The following NUP160 variants were observed in gnomAD, a reference collection of about 807,000 sequenced individuals.
NUP160 encodes nucleoporin 160, also known as nuclear pore complex protein Nup160.
Under a neutral mutation model 196.9 loss-of-function variants are expected in NUP160, and 94 were observed. The ratio of observed to expected loss-of-function variants is 0.48; its 90% CI spans 0.40 to 0.57. The LOEUF is 0.57. Among genes scored for constraint, NUP160 ranks in the 20% least tolerant of loss-of-function variants. NUP160 has a pLI of 0.00. For missense variants in NUP160, 1,638 were observed against 1,748.3 expected, an observed-to-expected ratio of 0.94 and a Z score of 1.13; for synonymous variants, 605 against 619.7, an observed-to-expected ratio of 0.98 and a Z score of 0.35.
intron 6 of NUP160, 60 bp from the exon 7 acceptor site, chr11:47,835,869 C>A: frequency 7.6e-7 from 1 of 1,319,302 alleles, no homozygotes; most frequent in Non-Finnish European, 1.0e-6. Context: ...GAAGAACATA[C>A]CTTTTGAAAG....
In NUP160 at chr11:47,813,306, T is replaced by C; in HGVS notation, c.1786+10A>G. The C allele has an allele frequency of 2.0e-6, 3 of 1,536,690 alleles. No individual in the cohort carries two copies. Among genetic ancestry groups the C allele is most frequent in the Non-Finnish European group, 2.7e-6 (3 of 1,109,850 alleles). The stretch of plus-strand genomic sequence containing the variant: ...AGGGGATTAAATATGGACATAACAA[T>C]TACTATTACCATCAGATATGGTTGT... On this transcript the variant is annotated intron_variant, in intron 14 of 35. Coordinates refer to ENST00000378460, the Ensembl canonical transcript of NUP160.
intron 22 of NUP160, 30 bp from the exon 23 acceptor site, chr11:47,801,960 A>G (rs1366917843): frequency 6.2e-7 from 1 of 1,610,044 alleles, no homozygotes; most frequent in Non-Finnish European, 8.5e-7. Flanking sequence ...AATGACTTGT[A>G]ACAGATCATT....
intron 2 of NUP160, chr11:47,841,374 T>C: frequency 2.3e-6 from 1 of 439,508 alleles, no homozygotes. Context: ...CATTTTCTTA[T>C]GCAAACTGTG....
chr11:47,783,158 T>A, exon 34 of NUP160: 2 of 1,613,926 alleles, frequency 1.2e-6, no homozygotes, highest in Non-Finnish European at 1.7e-6. Context: ...TAAAAGGTCA[T>A]AGTTTAAGTA....
chr11:47,805,135 CTTT>C (rs767059863), intron 20 of NUP160, among the ~76,000 whole-genome samples: 1 of 145,960 alleles, frequency 6.9e-6, no homozygotes, highest in South Asian at 2.2e-4. Flanking sequence ...GAATGAATGT[CTTT>C]TTTTTTTTTG....
chr11:47,796,152 TA>T (rs35398008), intron 27 of NUP160: 5,254 of 118,556 alleles, frequency 0.044, 3 homozygotes, highest in South Asian at 0.097. Flanking sequence ...AGACTTCATC[TA>T]AAAAAAAAAA....
chr11:47,780,648 T>C (rs2097660194), intron 34 of NUP160, among the ~76,000 whole-genome samples: 1 of 151,680 alleles, frequency 6.6e-6, no homozygotes, highest in Non-Finnish European at 1.5e-5. Flanking sequence ...GCAATTCTTG[T>C]GCCTCAGCCT....
chr11:47,783,261 G>GA, intron 33 of NUP160, 63 bp from the exon 34 acceptor site: 1 of 1,550,454 alleles, frequency 6.4e-7, no homozygotes, highest in South Asian at 1.2e-5. Context: ...ACTGACCAAA[G>GA]AATGTTGAGT....
chr11:47,822,105 A>G (rs1374122183), exon 8 of NUP160: 3 of 1,609,374 alleles, frequency 1.9e-6, no homozygotes, highest in Non-Finnish European at 1.7e-6. Context: ...TGAACAGTGA[A>G]GAAATATGAT....
intron 27 of NUP160, 119 bp from the exon 28 acceptor site, chr11:47,793,065 C>G: frequency 4.3e-6 from 3 of 699,242 alleles, no homozygotes; most frequent in Non-Finnish European, 6.8e-6. Context: ...CAGCTCACTG[C>G]AACCTCCGCC....
At chr11:47,808,301 A>T in intron 18 of NUP160, 95 bp downstream of exon 18, 1 of 1,266,974 alleles carries the variant, frequency 7.9e-7, no homozygotes, top group Non-Finnish European at 1.1e-6. Context: ...AACAAAAACA[A>T]AAACAAAACA....
chr11:47,801,965 ATCAT>A (rs2097674426), intron 22 of NUP160, 35 bp from the exon 23 acceptor site: 1 of 1,607,486 alleles, frequency 6.2e-7, no homozygotes, highest in East Asian at 2.2e-5. Context: ...CTTGTAACAG[ATCAT>A]TCAAATTCTA....
chr11:47,783,144 CT>C lies in NUP160; in HGVS notation c.4044del (p.Glu1349LysfsTer120). The C allele has an allele frequency of 6.2e-7, 1 of 1,613,984 alleles. No homozygotes were observed. The highest frequency in any genetic ancestry group is 8.5e-7 in the Non-Finnish European group (1 of 1,179,964). On this transcript the variant is annotated frameshift_variant, in exon 34 of 36. Coordinates refer to ENST00000378460, the Ensembl canonical transcript of NUP160. LOFTEE classifies it high-confidence loss of function. Reference sequence around the variant, plus strand: ...TATTCTGACACCAAATCCACAGCTTCTTCTAAAAGGTCATAGTTTAAGTATA... The same window carrying C: ...TATTCTGACACCAAATCCACAGCTTCTCTAAAAGGTCATAGTTTAAGTATA...
chr11:47,793,270 C>G (rs1347714562), intron 27 of NUP160, among the ~76,000 whole-genome samples: 1 of 152,116 alleles, frequency 6.6e-6, no homozygotes, highest in Non-Finnish European at 1.5e-5. Context: ...CAGGTGTGAG[C>G]CACCACACCC....
intron 27 of NUP160, among the ~76,000 whole-genome samples, chr11:47,795,836 A>C (rs1434481996): frequency 2.0e-5 from 3 of 152,108 alleles, no homozygotes; most frequent in Non-Finnish European, 4.4e-5. Context: ...GGGTGAGGGC[A>C]GTATGTGAGG....
rs1487480995 is a variant in NUP160, at chr11:47,788,180, A to C, written c.3746+2T>G. 1.2e-6 allele frequency: 2 copies of C among 1,608,774 alleles called. No individual in the cohort carries two copies. Among genetic ancestry groups the C allele is most frequent in the Non-Finnish European group, 1.7e-6 (2 of 1,176,788 alleles). ...ACTATAAAAAAATAATTTTATACAT[A>C]CTTGAAGGCAAGCCCTTCAAAGACT... is the stretch of plus-strand genomic sequence containing the variant. On this transcript the variant is annotated splice_donor_variant, in intron 31 of 35. Coordinates refer to ENST00000378460, the Ensembl canonical transcript of NUP160. LOFTEE classifies it high-confidence loss of function.
Position 47,784,809 on chromosome 11 carries a change from G to A in NUP160, c.3990+113C>T, listed in dbSNP as rs529777164. The A allele has an allele frequency of 6.1e-5, 46 of 755,620 alleles. No homozygotes were observed. The Middle Eastern group carries it at 1.6e-3, about 27-fold the overall frequency. 46.8% of individuals were successfully genotyped at this position (755,620 alleles called of 1,614,324 possible). Reference sequence around the variant, plus strand: ...CTCCCCTGTTGGCCTACCAATGTGCGGGCATGACAGGTATGAGCCACTGCA... The same window carrying A: ...CTCCCCTGTTGGCCTACCAATGTGCAGGCATGACAGGTATGAGCCACTGCA... On this transcript the variant is annotated intron_variant, in intron 33 of 35. Coordinates refer to ENST00000378460, the Ensembl canonical transcript of NUP160.
At chr11:47,780,525 G>A (rs901300485) in intron 34 of NUP160, 78 bp from the exon 35 acceptor site, 9 of 781,076 alleles carry the variant, frequency 1.2e-5, no homozygotes, top group Middle Eastern at 2.5e-4. Context: ...ATAGGACTCT[G>A]TAGAATAAAA....
At chr11:47,842,870 C>A (rs1342342714) in intron 2 of NUP160, among the ~76,000 whole-genome samples, 1 of 152,140 alleles carries the variant, frequency 6.6e-6, no homozygotes, top group African/African-American at 2.4e-5. Context: ...CGCCTGTAAT[C>A]TCAGCCACTT....
Sources: allele counts gnomAD v4.1 joint callset (sites outside exome capture counted in the v4.1 genomes callset), GRCh38; gene constraint gnomAD v4.1.1; transcripts MANE v1.5; gene names NCBI Gene and HGNC (gene_info 2026-07-23, HGNC 2026-07-21).